The following SLAIN1 variants were observed in gnomAD, a reference collection of about 807,000 sequenced individuals.
SLAIN1 encodes the protein SLAIN family member 1.
Under a neutral mutation model 55.4 loss-of-function variants are expected in SLAIN1, and 17 were observed. That is an observed-to-expected ratio of 0.31 (90% CI 0.21 to 0.46). The LOEUF (loss-of-function observed/expected upper bound fraction) is 0.46, where lower values mean the gene tolerates loss of function less well. SLAIN1 is among the 20% of genes least tolerant of loss of function. SLAIN1 has a pLI of 1.00. For missense variants in SLAIN1, 682 were observed against 785.1 expected (o/e 0.87, Z 1.57); for synonymous variants, 348 against 337.4 (o/e 1.03, Z -0.35).
At chr13:77,747,655 T>C (rs1047334033) in intron 4 of SLAIN1, among the ~76,000 whole-genome samples, 2 of 152,098 alleles carry the variant, frequency 1.3e-5, no homozygotes, top group East Asian at 1.9e-4. Context: ...TCTAGGCAAG[T>C]TTGGGATGTG....
intron 5 of SLAIN1, among the ~76,000 whole-genome samples, chr13:77,756,665 A>G (rs1874631459): frequency 6.6e-6 from 1 of 152,174 alleles, no homozygotes; most frequent in Non-Finnish European, 1.5e-5. Context: ...CAAATTAGAA[A>G]TAACCTAGCT....
At chr13:77,719,969 A>G (rs2091246108) in intron 2 of SLAIN1, among the ~76,000 whole-genome samples, 1 of 151,810 alleles carries the variant, frequency 6.6e-6, no homozygotes, top group African/African-American at 2.4e-5. Flanking sequence ...AAAAATTGTC[A>G]GTTATCAGTG....
At chr13:77,735,835 A>G (rs1873091037) in intron 2 of SLAIN1, among the ~76,000 whole-genome samples, 1 of 151,762 alleles carries the variant, frequency 6.6e-6, no homozygotes, top group Admixed American at 6.6e-5. Context: ...TCCAGACCCC[A>G]TCTAACTCTT....
chr13:77,725,067 A>C (rs2091295382), intron 2 of SLAIN1, among the ~76,000 whole-genome samples: 1 of 152,176 alleles, frequency 6.6e-6, no homozygotes, highest in South Asian at 2.1e-4. Context: ...AAAGTAAATG[A>C]ATGTTTTTTT....
intron 1 of SLAIN1, among the ~76,000 whole-genome samples, chr13:77,716,412 A>G (rs1389002197): frequency 6.6e-6 from 1 of 151,990 alleles, no homozygotes; most frequent in East Asian, 1.9e-4. Context: ...CATTTCTACA[A>G]AAAAGCTTGC....
chr13:77,736,669 C>T (rs1461243926), intron 2 of SLAIN1, among the ~76,000 whole-genome samples: 1 of 152,142 alleles, frequency 6.6e-6, no homozygotes, highest in Non-Finnish European at 1.5e-5. Context: ...GCTGAATCTG[C>T]TCTCATCAGT....
intron 2 of SLAIN1, among the ~76,000 whole-genome samples, chr13:77,735,194 T>C (rs1198639901): frequency 1.3e-5 from 2 of 152,140 alleles, no homozygotes; most frequent in East Asian, 1.9e-4. Context: ...CATAACTTTT[T>C]TTCATATGAG....
intron 1 of SLAIN1, among the ~76,000 whole-genome samples, chr13:77,709,614 A>G (rs780875068): frequency 1.1e-4 from 16 of 152,356 alleles, no homozygotes; most frequent in Admixed American, 8.5e-4. Flanking sequence ...ATTCTTAAAG[A>G]AAAGAATTTT....
At chr13:77,725,991 A>G (rs530572880) in intron 2 of SLAIN1, among the ~76,000 whole-genome samples, 57 of 152,318 alleles carry the variant, frequency 3.7e-4, no homozygotes, top group African/African-American at 1.3e-3. Flanking sequence ...CTTGCTGCCT[A>G]CATTTGTGAT....
intron 2 of SLAIN1, among the ~76,000 whole-genome samples, chr13:77,737,678 C>T (rs1391231513): frequency 6.6e-6 from 1 of 152,090 alleles, no homozygotes; most frequent in African/African-American, 2.4e-5. Context: ...GCTCCTCAAC[C>T]TTCAAGGGCC....
chr13:77,753,054 T>C (rs1260304169), intron 4 of SLAIN1, 149 bp from the exon 5 acceptor site: 4 of 709,784 alleles, frequency 5.6e-6, no homozygotes, highest in Middle Eastern at 3.4e-4. Flanking sequence ...GGTGTTTTCC[T>C]GTACAATAGG....
chr13:77,751,998 T>A (rs1874249187), intron 4 of SLAIN1, among the ~76,000 whole-genome samples: 1 of 152,082 alleles, frequency 6.6e-6, no homozygotes, highest in Non-Finnish European at 1.5e-5. Flanking sequence ...TCACATGTGT[T>A]ATTTCACACA....
chr13:77,736,304 G>A (rs1873116935), intron 2 of SLAIN1, among the ~76,000 whole-genome samples: 1 of 151,968 alleles, frequency 6.6e-6, no homozygotes, highest in Admixed American at 6.6e-5. Flanking sequence ...CTCATTCTCT[G>A]TATTCTGTCT....
intron 1 of SLAIN1, among the ~76,000 whole-genome samples, chr13:77,708,236 C>T (rs1447852360): frequency 6.6e-6 from 1 of 152,126 alleles, no homozygotes; most frequent in Non-Finnish European, 1.5e-5. Context: ...TTGAAGACAC[C>T]TTACTGTGGT....
rs2090994536 is a variant in SLAIN1 at position 77,698,287 on chromosome 13, C to T, written c.374C>T (p.Thr125Ile). 2.8e-6 allele frequency: 4 copies of T among 1,431,846 alleles called. No homozygotes were observed. Among genetic ancestry groups the T allele is most frequent in the Non-Finnish European group, 3.7e-6 (4 of 1,092,364 alleles). The allele number at this position is 1,431,846 out of a possible 1,614,324, so 88.7% of individuals were successfully genotyped here. The change falls in exon 1 of 7, where the codon ACC (threonine) becomes ATC (isoleucine). Residue 125 changes from threonine (T) to isoleucine (I), a missense_variant. By Grantham distance (89) the Thr-to-Ile change is moderately conservative (BLOSUM62 -1). Transcript: ENST00000418532. The surrounding 1 kb of genome is among the most constrained non-coding windows in gnomAD (Gnocchi z 4.1). ...GGGSSPAFPG[T>I]FCLPSPAPSL... ...GGCTCCAGCCCCGCGTTCCCGGGCACCTTCTGCCTGCCTAGCCCCGCGCCC... is the reference window on the plus strand; with the variant it reads ...GGCTCCAGCCCCGCGTTCCCGGGCATCTTCTGCCTGCCTAGCCCCGCGCCC...
intron 1 of SLAIN1, among the ~76,000 whole-genome samples, chr13:77,705,712 G>A (rs2154409307): frequency 6.6e-6 from 1 of 151,020 alleles, no homozygotes; most frequent in South Asian, 2.1e-4. Context: ...GGAGTTTTTA[G>A]CCACATGATC....
At chr13:77,724,763 A>T (rs1256129981) in intron 2 of SLAIN1, among the ~76,000 whole-genome samples, 1 of 152,062 alleles carries the variant, frequency 6.6e-6, no homozygotes, top group Non-Finnish European at 1.5e-5. Context: ...ATTATACTTT[A>T]AGTTTTAGGG....
chr13:77,745,301 A>G (rs182212588), intron 3 of SLAIN1, among the ~76,000 whole-genome samples: 4 of 152,146 alleles, frequency 2.6e-5, no homozygotes, highest in Admixed American at 2.0e-4. Context: ...ATCACTGCCA[A>G]TACCCTGGCT....
chr13:77,700,579 CT>C (rs1337821336), intron 1 of SLAIN1, among the ~76,000 whole-genome samples: 1 of 152,078 alleles, frequency 6.6e-6, no homozygotes, highest in East Asian at 1.9e-4. Flanking sequence ...CATTGCAAAT[CT>C]TTTTGATGAA....
Sources: gnomAD v4.1 joint callset for allele counts (sites outside exome capture counted in the v4.1 genomes callset) on GRCh38, gnomAD v4.1.1 for gene constraint, Gnocchi (gnomAD v3.1) non-coding constraint, MANE v1.5 for transcripts, NCBI Gene and HGNC (gene_info 2026-07-23, HGNC 2026-07-21) for gene names.